Variants in ACBD3 observed in about 807,000 individuals in gnomAD.
ACBD3 encodes the protein acyl-CoA binding domain containing 3.
ACBD3 carries 30 observed loss-of-function variants against 66.9 expected under a neutral mutation model. That is an observed-to-expected ratio of 0.45 (90% confidence interval 0.34 to 0.61). The LOEUF (loss-of-function observed/expected upper bound fraction) is 0.61, where lower values mean the gene tolerates loss of function less well. ACBD3 is among the 20% of genes least tolerant of loss of function. The pLI is 0.02. For missense variants in ACBD3, 544 were observed against 664.5 expected, an observed-to-expected ratio of 0.82 and a Z score of 1.99; for synonymous variants, 278 against 259.8, an observed-to-expected ratio of 1.07 and a Z score of -0.68.
chr1:226,164,773 T>C lies in ACBD3; in HGVS notation c.569+16A>G, dbSNP rs199577839. On this transcript the variant is annotated intron_variant, in intron 3 of 7. Coordinates refer to ENST00000366812, the MANE Select transcript of ACBD3 (RefSeq NM_022735.4). ...GGCTGCGCAGCAATAAAGTATTCCA[T>C]GCCCTCAAACTTCACCTTTTTTTTT... The C allele has an allele frequency of 1.8e-4, 295 of 1,605,994 alleles. No individual in the cohort carries two copies. Among genetic ancestry groups the C allele is most frequent in the Non-Finnish European group, 2.1e-4 (245 of 1,176,346 alleles).
At chr1:226,159,454 T>G in intron 4 of ACBD3, 96 bp from the exon 5 acceptor site, 1 of 1,175,032 alleles carries the variant, frequency 8.5e-7, no homozygotes. Flanking sequence ...AGTCTGTAAC[T>G]CTTAAAAACA....
chr1:226,180,606 G>A (rs891200732), intron 1 of ACBD3, among the ~76,000 whole-genome samples: 3 of 152,172 alleles, frequency 2.0e-5, no homozygotes, highest in Admixed American at 2.0e-4. Context: ...TCCACTTTCT[G>A]AAAACTCATC....
intron 5 of ACBD3, among the ~76,000 whole-genome samples, chr1:226,155,417 CAAAA>C (rs66832924): frequency 9.3e-6 from 1 of 107,822 alleles, no homozygotes; most frequent in African/African-American, 3.3e-5. Flanking sequence ...AACTCCATCT[CAAAA>C]AAAAAAAAAA....
intron 1 of ACBD3, among the ~76,000 whole-genome samples, chr1:226,180,665 A>T (rs2102791116): frequency 6.6e-6 from 1 of 152,302 alleles, no homozygotes; most frequent in South Asian, 2.1e-4. Context: ...CATGTGTGAT[A>T]AAGGGAAGCC....
At chr1:226,176,320 G>A (rs577042087) in intron 1 of ACBD3, among the ~76,000 whole-genome samples, 20 of 152,152 alleles carry the variant, frequency 1.3e-4, no homozygotes. Flanking sequence ...AGCTATTCGG[G>A]GGGCTGAGGC....
intron 1 of ACBD3, among the ~76,000 whole-genome samples, chr1:226,173,926 C>T (rs537230605): frequency 4.6e-5 from 7 of 151,578 alleles, no homozygotes; most frequent in Non-Finnish European, 7.4e-5. Context: ...CCACACCTAG[C>T]TAATTTTTTT....
At chr1:226,185,829 G>A (rs1655707292) in intron 1 of ACBD3, among the ~76,000 whole-genome samples, 1 of 152,104 alleles carries the variant, frequency 6.6e-6, no homozygotes, top group Non-Finnish European at 1.5e-5. Flanking sequence ...CGGAGAGGAT[G>A]ATGAGCTTAA....
At chr1:226,182,753 T>C (rs1489922601) in intron 1 of ACBD3, among the ~76,000 whole-genome samples, 1 of 152,244 alleles carries the variant, frequency 6.6e-6, no homozygotes, top group Non-Finnish European at 1.5e-5. Flanking sequence ...TTCATGGCTC[T>C]TGGCCTTCCC....
In ACBD3 at chr1:226,145,366, C is replaced by T. The variant is rs1659426862; in HGVS notation, c.*1244G>A. On this transcript the variant is annotated 3_prime_UTR_variant, in exon 8 of 8. Coordinates refer to ENST00000366812, the MANE Select transcript of ACBD3 (RefSeq NM_022735.4). ...AAAAATCTAAGTACTTCAGTAACAA[C>T]ATACAATAACAACATTAAGTGTATA... is the stretch of plus-strand genomic sequence containing the variant. 1 of 152,404 alleles carries T rather than the reference C, an allele frequency of 6.6e-6. No individual in the cohort carries two copies. Among genetic ancestry groups the T allele is most frequent in the Non-Finnish European group, 1.5e-5 (1 of 68,010 alleles). 9.4% of individuals were successfully genotyped at this position (152,404 alleles called of 1,614,324 possible). A position where few individuals can be genotyped will look rare whatever the true frequency, so the allele number is the denominator to read the frequency against.
At position 226,160,310 on chromosome 1, in the gene ACBD3, A is replaced by C. The variant is rs1440365903; in HGVS notation, c.729-952T>G. Reference sequence around the variant, plus strand: ...TCACCATGTTGGCCAGGCTCGTTTCAAACCCCTGACCTCAATCAAGTGATC... The same window carrying C: ...TCACCATGTTGGCCAGGCTCGTTTCCAACCCCTGACCTCAATCAAGTGATC... On this transcript the variant is annotated intron_variant, in intron 4 of 7. Coordinates refer to ENST00000366812, the MANE Select transcript of ACBD3 (RefSeq NM_022735.4). Among the ~76,000 whole-genome samples, 6 of 40,530 alleles carry C rather than the reference A, an allele frequency of 1.5e-4. No homozygotes were observed. In the South Asian group the frequency reaches 4.0e-3, roughly 27 times the overall value. 26.6% of individuals were successfully genotyped at this position (40,530 alleles called of 152,430 possible).
Position 226,186,576 on chromosome 1 carries a change from G to A in ACBD3, c.100C>T (p.Leu34=). ...GGCGGTGGCAGCGGTGGCGGCAGCAGCGGGGCGCCCTCCGCCCCAGGCCGC... is the reference window on the plus strand; with the variant it reads ...GGCGGTGGCAGCGGTGGCGGCAGCAACGGGGCGCCCTCCGCCCCAGGCCGC... ...EERPGAEGAP[L]LPPPLPPPSP... Residue 34 remains leucine (L), a synonymous_variant, in exon 1 of 8, where the codon CTG becomes TTG. Transcript: ENST00000366812. The A allele has an allele frequency of 7.3e-7, 1 of 1,371,410 alleles. No individual in the cohort carries two copies. The highest frequency in any genetic ancestry group is 1.7e-5 in the South Asian group (1 of 57,338). 85.0% of individuals were successfully genotyped at this position (1,371,410 alleles called of 1,614,324 possible). A position where few individuals can be genotyped will look rare whatever the true frequency, so the allele number is the denominator to read the frequency against.
rs780624247 is a variant in ACBD3, at chr1:226,186,723, C to T, written c.-48G>A. 78 of 1,432,118 alleles carry T rather than the reference C, an allele frequency of 5.4e-5. No homozygotes were observed. Among genetic ancestry groups the T allele is most frequent in the East Asian group, 3.9e-4 (13 of 33,762 alleles). 88.7% of individuals were successfully genotyped at this position (1,432,118 alleles called of 1,614,324 possible). On this transcript the variant is annotated 5_prime_UTR_variant, in exon 1 of 8. Coordinates refer to ENST00000366812, the MANE Select transcript of ACBD3 (RefSeq NM_022735.4). Reference sequence around the variant, plus strand: ...GCGGGGACAGACGGCAGCCACGTATCGACTTCCTGCTGACCTCTGACCTCC... The same window carrying T: ...GCGGGGACAGACGGCAGCCACGTATTGACTTCCTGCTGACCTCTGACCTCC...
At chr1:226,178,303 G>C (rs2102789932) in intron 1 of ACBD3, among the ~76,000 whole-genome samples, 1 of 151,806 alleles carries the variant, frequency 6.6e-6, no homozygotes, top group East Asian at 2.0e-4. Context: ...GGGCGCAGTG[G>C]CTCACACCTG....
At position 226,154,756 on chromosome 1, in the gene ACBD3, T is replaced by C. The variant is rs1278321467; in HGVS notation, c.981A>G (p.Val327=). The C allele has an allele frequency of 2.5e-6, 4 of 1,613,944 alleles. No individual in the cohort carries two copies. The highest frequency in any genetic ancestry group is 3.3e-5 in the Admixed American group (2 of 59,982). The change falls in exon 6 of 8, where the codon GTA becomes GTG. Residue 327 remains valine (V), a synonymous_variant. Coordinates refer to ENST00000366812, the MANE Select transcript of ACBD3 (RefSeq NM_022735.4). ...CATTAACTGACATCATATTACTTGG[T>C]ACAGTTGCATTCACTTTTGATGATG... is the stretch of plus-strand genomic sequence containing the variant. ...LPTSSKVNAT[V]PSNMMSVNGQ...
rs1188828080 is a variant in ACBD3, at chr1:226,186,614, G to A, written c.62C>T (p.Pro21Leu). Reference protein sequence around the residue: ...EVSVDGLTLSPDPEERPGAEG... With the variant: ...EVSVDGLTLSLDPEERPGAEG... ...CGCCCCAGGCCGCTCCTCCGGGTCC[G>A]GGCTGAGCGTGAGGCCGTCGACGGA... Residue 21 changes from proline to leucine, a missense_variant, in exon 1 of 8, where the codon CCG (proline) becomes CTG (leucine). By Grantham distance (98) the Pro-to-Leu change is moderately conservative. This residue lies in a region of ACBD3 where 137 missense variants were observed against 145.9 expected (regional missense o/e 0.94). Coordinates refer to ENST00000366812, the MANE Select transcript of ACBD3 (RefSeq NM_022735.4). The A allele has an allele frequency of 6.7e-6, 10 of 1,491,260 alleles. No individual in the cohort carries two copies. Among genetic ancestry groups the A allele is most frequent in the African/African-American group, 1.4e-5 (1 of 69,460 alleles). 92.4% of individuals were successfully genotyped at this position (1,491,260 alleles called of 1,614,324 possible). A position where few individuals can be genotyped will look rare whatever the true frequency, so the allele number is the denominator to read the frequency against.
chr1:226,159,990 G>A (rs1659741648), intron 4 of ACBD3, among the ~76,000 whole-genome samples: 1 of 152,122 alleles, frequency 6.6e-6, no homozygotes, highest in South Asian at 2.1e-4. Context: ...AGGGTCCACA[G>A]CATTTAATTT....
intron 1 of ACBD3, among the ~76,000 whole-genome samples, chr1:226,178,521 G>A (rs1479543369): frequency 7.1e-6 from 1 of 141,792 alleles, no homozygotes; most frequent in Non-Finnish European, 1.5e-5. Flanking sequence ...CTTGCAGTGA[G>A]CCGAGATTGC....
intron 7 of ACBD3, among the ~76,000 whole-genome samples, chr1:226,152,000 C>G (rs1458889073): frequency 6.6e-6 from 1 of 150,742 alleles, no homozygotes; most frequent in Admixed American, 6.6e-5. Context: ...GAGTGAGACT[C>G]TGTCTCAAAA....
chr1:226,160,574 G>A (rs1659752409), intron 4 of ACBD3, among the ~76,000 whole-genome samples: 1 of 152,186 alleles, frequency 6.6e-6, no homozygotes. Context: ...TTGAATGAGG[G>A]CCTGGATTAG....
Sources: allele counts gnomAD v4.1 joint callset (sites outside exome capture counted in the v4.1 genomes callset), GRCh38; gene constraint gnomAD v4.1.1; regional missense constraint gnomAD v4.1.1; transcripts MANE v1.5; gene names NCBI Gene and HGNC (gene_info 2026-07-23, HGNC 2026-07-21).